Variants in ZNF148 observed in about 807,000 individuals in gnomAD.
ZNF148 encodes Beta-Enolase Repressor Factor-1.
Under a neutral mutation model 67.7 loss-of-function variants are expected in ZNF148, and 7 were observed. That is an observed-to-expected ratio of 0.10 (90% CI 0.06 to 0.19). ZNF148 has a LOEUF of 0.19. ZNF148 is among the 10% of genes least tolerant of loss of function. The pLI is 1.00. For synonymous variants in ZNF148, 333 were observed against 330.7 expected (o/e 1.01, Z -0.08); for missense variants, 583 against 947.1 (o/e 0.62, Z 5.05).
At chr3:125,370,499 G>A (rs757044495) in intron 1 of ZNF148, among the ~76,000 whole-genome samples, 2 of 152,180 alleles carry the variant, frequency 1.3e-5, no homozygotes, top group Non-Finnish European at 2.9e-5. Flanking sequence ...CTCTAGAACA[G>A]GTTACAATGT....
intron 1 of ZNF148, chr3:125,339,061 T>A (rs1461305373): frequency 8.5e-5 from 13 of 152,204 alleles, no homozygotes; most frequent in African/African-American, 3.1e-4. Flanking sequence ...TTGTTGTTAG[T>A]GATGGAGTCT....
At chr3:125,246,753 T>C (rs539241292) in intron 7 of ZNF148, among the ~76,000 whole-genome samples, 1 of 152,334 alleles carries the variant, frequency 6.6e-6, no homozygotes, top group East Asian at 1.9e-4. Flanking sequence ...GTCTGGGCTA[T>C]ATATCCTAAA....
intron 2 of ZNF148, 96 bp downstream of exon 2, chr3:125,331,062 C>T: frequency 5.0e-6 from 2 of 397,826 alleles, no homozygotes; most frequent in Non-Finnish European, 8.9e-6. Flanking sequence ...GCCATAAATG[C>T]ACACTTATAC....
At chr3:125,308,512 A>T (rs1422250188) in intron 4 of ZNF148, among the ~76,000 whole-genome samples, 4 of 143,476 alleles carry the variant, frequency 2.8e-5, no homozygotes, top group African/African-American at 1.1e-4. Flanking sequence ...AATCAGAATC[A>T]GTTGACTTTT....
At chr3:125,287,659 T>A (rs1211744278) in intron 5 of ZNF148, among the ~76,000 whole-genome samples, 1 of 152,076 alleles carries the variant, frequency 6.6e-6, no homozygotes, top group African/African-American at 2.4e-5. Flanking sequence ...CATAAAATAT[T>A]TACTGAGGAT....
chr3:125,316,868 A>T (rs1453890263), intron 3 of ZNF148, among the ~76,000 whole-genome samples: 2 of 152,026 alleles, frequency 1.3e-5, no homozygotes, highest in African/African-American at 4.8e-5. Flanking sequence ...ATTTTTTTAA[A>T]TTAATCTTAT....
chr3:125,276,202 G>A (rs1938052791), intron 7 of ZNF148, among the ~76,000 whole-genome samples: 1 of 152,058 alleles, frequency 6.6e-6, no homozygotes, highest in South Asian at 2.1e-4. Context: ...ATTTGTATCT[G>A]ATCAGGTTTT....
intron 1 of ZNF148, among the ~76,000 whole-genome samples, chr3:125,371,653 C>T (rs948510873): frequency 4.3e-5 from 6 of 138,674 alleles, no homozygotes; most frequent in African/African-American, 1.1e-4. Context: ...AGCTAGACTC[C>T]GTCCCAAAAA....
chr3:125,274,609 T>C (rs1427956823), intron 7 of ZNF148, among the ~76,000 whole-genome samples: 1 of 152,254 alleles, frequency 6.6e-6, no homozygotes, highest in Non-Finnish European at 1.5e-5. Flanking sequence ...GTTCTTGGTT[T>C]TAATAAGACA....
intron 7 of ZNF148, among the ~76,000 whole-genome samples, chr3:125,237,943 C>T (rs1215185384): frequency 1.3e-5 from 2 of 152,158 alleles, no homozygotes; most frequent in Non-Finnish European, 2.9e-5. Context: ...ACAAGACATA[C>T]ATATCAAGGA....
intron 1 of ZNF148, among the ~76,000 whole-genome samples, chr3:125,364,596 T>C (rs1186793545): frequency 2.0e-5 from 3 of 152,128 alleles, no homozygotes; most frequent in Non-Finnish European, 2.9e-5. Context: ...GTTCCACTTA[T>C]ACAAAATTCA....
chr3:125,274,450 C>A (rs531370329), intron 7 of ZNF148, among the ~76,000 whole-genome samples: 81 of 152,232 alleles, frequency 5.3e-4, no homozygotes, highest in Non-Finnish European at 8.2e-4. Context: ...AAAGCTTAAA[C>A]CAGAATTTCA....
Position 125,232,201 on chromosome 3 carries a change from T to C in ZNF148, c.*140A>G. 9.8e-7 allele frequency: 1 copy of C among 1,016,716 alleles called. No individual in the cohort carries two copies. The highest frequency in any genetic ancestry group is 1.4e-6 in the Non-Finnish European group (1 of 733,162). The allele number at this position is 1,016,716 out of a possible 1,614,324, so 63.0% of individuals were successfully genotyped here. On this transcript the variant is annotated 3_prime_UTR_variant, in exon 9 of 9. Transcript: ENST00000360647. This position sits in a 1 kb window ranked among gnomAD's most constrained non-coding sequence, Gnocchi z 4.2. ...AACCAAACGAAATGCAGTTATTGGA[T>C]TATCTTGCTATTCATATCAGCTTAA... is the stretch of plus-strand genomic sequence containing the variant.
chr3:125,356,094 G>A (rs911105274), intron 1 of ZNF148, among the ~76,000 whole-genome samples: 6 of 152,110 alleles, frequency 3.9e-5, no homozygotes, highest in Admixed American at 3.3e-4. Flanking sequence ...GTAATCAAAT[G>A]TAAATGTGGT....
intron 7 of ZNF148, among the ~76,000 whole-genome samples, chr3:125,258,112 G>A (rs1937167783): frequency 1.0e-5 from 1 of 97,956 alleles, no homozygotes; most frequent in South Asian, 3.3e-4. Flanking sequence ...TGTGGTAACT[G>A]CATTTTTTTT....
intron 7 of ZNF148, among the ~76,000 whole-genome samples, chr3:125,258,820 A>T (rs1010273133): frequency 1.3e-5 from 2 of 152,314 alleles, no homozygotes; most frequent in South Asian, 4.1e-4. Context: ...AATATTTAAA[A>T]ATTCATAATG....
intron 7 of ZNF148, among the ~76,000 whole-genome samples, chr3:125,274,010 C>A (rs890024916): frequency 1.3e-5 from 2 of 152,126 alleles, no homozygotes; most frequent in African/African-American, 4.8e-5. Context: ...GGTGATAAGA[C>A]TGGCAGTTTC....
chr3:125,287,869 G>A (rs567210956), intron 5 of ZNF148, among the ~76,000 whole-genome samples: 55 of 152,230 alleles, frequency 3.6e-4, no homozygotes, highest in Admixed American at 1.8e-3. Context: ...CATGCCATCC[G>A]ATAGAGATAT....
At chr3:125,246,397 A>T (rs1390465411) in intron 7 of ZNF148, among the ~76,000 whole-genome samples, 2 of 152,188 alleles carry the variant, frequency 1.3e-5, no homozygotes, top group Non-Finnish European at 2.9e-5. Context: ...AATAGTACTT[A>T]AGAGTACAGG....
Sources: gnomAD v4.1 joint callset for allele counts (sites outside exome capture counted in the v4.1 genomes callset) on GRCh38, gnomAD v4.1.1 for gene constraint, Gnocchi (gnomAD v3.1) non-coding constraint, MANE v1.5 for transcripts, NCBI Gene and HGNC (gene_info 2026-07-23, HGNC 2026-07-21) for gene names.